ARB2A: variants seen among roughly 807,000 people sequenced by gnomAD.
ARB2A encodes cotranscriptional regulator ARB2A.
chr5:93,869,936 A>G, the ARB2A span, among the ~76,000 whole-genome samples: 1 of 152,222 alleles, frequency 6.6e-6, no homozygotes, highest in Non-Finnish European at 1.5e-5. Flanking sequence ...CAGGTGAAAT[A>G]AACAGCCTTG....
chr5:93,715,354 T>C, the ARB2A span, among the ~76,000 whole-genome samples: 2 of 152,234 alleles, frequency 1.3e-5, no homozygotes, highest in Non-Finnish European at 2.9e-5. Context: ...CACAACTGCA[T>C]TCTGATGCAG....
At chr5:94,084,289 A>G in the ARB2A span, among the ~76,000 whole-genome samples, 920 of 151,324 alleles carry the variant, frequency 6.1e-3, 4 homozygotes, top group Non-Finnish European at 0.01. Context: ...AAAAAAAAAA[A>G]AAAAGAAAAG....
At chr5:93,929,559 A>G in the ARB2A span, among the ~76,000 whole-genome samples, 1 of 152,176 alleles carries the variant, frequency 6.6e-6, no homozygotes, top group Non-Finnish European at 1.5e-5. Flanking sequence ...AACATTGCTA[A>G]AAGAAATTTA....
the ARB2A span, among the ~76,000 whole-genome samples, chr5:94,031,212 A>G: frequency 6.6e-6 from 1 of 152,186 alleles, no homozygotes; most frequent in Admixed American, 6.5e-5. Context: ...TGAATGGAGC[A>G]CTAAGGACAA....
At chr5:93,711,302 T>C in the ARB2A span, among the ~76,000 whole-genome samples, 1 of 152,006 alleles carries the variant, frequency 6.6e-6, no homozygotes. Context: ...AAAAAAAATT[T>C]CTGATGGGGT....
the ARB2A span, among the ~76,000 whole-genome samples, chr5:93,827,282 A>G: frequency 1.2e-4 from 19 of 152,210 alleles, no homozygotes; most frequent in Middle Eastern, 3.4e-3. Flanking sequence ...TTTAATGATC[A>G]CCATTTTAAC....
At chr5:93,981,349 A>G in the ARB2A span, among the ~76,000 whole-genome samples, 1 of 152,030 alleles carries the variant, frequency 6.6e-6, no homozygotes, top group Non-Finnish European at 1.5e-5. Context: ...GATTATAGGC[A>G]TGAGCCACCA....
At chr5:93,803,943 G>A in the ARB2A span, among the ~76,000 whole-genome samples, 1 of 151,900 alleles carries the variant, frequency 6.6e-6, no homozygotes, top group East Asian at 1.9e-4. Flanking sequence ...CACAGCCGGA[G>A]AGAAATAGTG....
the ARB2A span, among the ~76,000 whole-genome samples, chr5:93,775,598 C>T: frequency 5.3e-4 from 80 of 152,318 alleles, 1 homozygote; most frequent in African/African-American, 1.9e-3. Flanking sequence ...GCAGTCCAGT[C>T]TTGCCTTTGT....
At chr5:94,013,173 G>GTTTTTTTTTTTTTTT in the ARB2A span, among the ~76,000 whole-genome samples, 1 of 112,540 alleles carries the variant, frequency 8.9e-6, no homozygotes, top group Non-Finnish European at 1.9e-5. Flanking sequence ...TCAGTAAGTT[G>GTTTTTTTTTTTTTTT]TTTTTTTTTT....
At chr5:93,856,295 G>A in the ARB2A span, among the ~76,000 whole-genome samples, 1 of 152,096 alleles carries the variant, frequency 6.6e-6, no homozygotes, top group African/African-American at 2.4e-5. Context: ...TCTTTGGGGT[G>A]TTCTCTGTAT....
the ARB2A span, among the ~76,000 whole-genome samples, chr5:93,655,351 C>T: frequency 6.6e-6 from 1 of 152,244 alleles, no homozygotes; most frequent in Non-Finnish European, 1.5e-5. Context: ...TATAGGACAC[C>T]TTCACAGTTA....
chr5:93,770,605 A>G, the ARB2A span, among the ~76,000 whole-genome samples: 1 of 152,212 alleles, frequency 6.6e-6, no homozygotes, highest in South Asian at 2.1e-4. Flanking sequence ...CAACTTCAGC[A>G]AAGTCTCAGG....
chr5:93,619,456 A>C, the ARB2A span: 1 of 152,220 alleles, frequency 6.6e-6, no homozygotes, highest in Non-Finnish European at 1.5e-5. Context: ...ATCGGTTCAT[A>C]ATATAAAAAC....
chr5:93,749,928 C>T, the ARB2A span, among the ~76,000 whole-genome samples: 2 of 152,200 alleles, frequency 1.3e-5, no homozygotes, highest in East Asian at 3.9e-4. Context: ...CCTTTATTTC[C>T]TCTACTCCCA....
chr5:93,737,643 T>C, the ARB2A span: 3 of 208,388 alleles, frequency 1.4e-5, no homozygotes, highest in African/African-American at 4.7e-5. Context: ...GACAGACATA[T>C]AGACCAACAG....
chr5:93,794,764 C>G, the ARB2A span, among the ~76,000 whole-genome samples: 1 of 27,708 alleles, frequency 3.6e-5, no homozygotes, highest in African/African-American at 6.9e-5. Flanking sequence ...GTGATGTGAT[C>G]CATCTTCAGG....
the ARB2A span, among the ~76,000 whole-genome samples, chr5:93,902,942 C>A: frequency 6.6e-6 from 1 of 152,120 alleles, no homozygotes; most frequent in South Asian, 2.1e-4. Context: ...TGCTCCCACA[C>A]AAGTGCTGGC....
chr5:93,735,364 AG>A, the ARB2A span: 2 of 152,312 alleles, frequency 1.3e-5, no homozygotes, highest in East Asian at 3.9e-4. Context: ...GCCTAAGCAG[AG>A]GTGGGGCAGC....
Sources: allele counts gnomAD v4.1 joint callset (sites outside exome capture counted in the v4.1 genomes callset), GRCh38; gene constraint gnomAD v4.1.1; transcripts MANE v1.5; gene names NCBI Gene and HGNC (gene_info 2026-07-23, HGNC 2026-07-21).